The following ADAM17 variants were observed in gnomAD, a reference collection of about 807,000 sequenced individuals.
ADAM17 encodes the protein ADAM metallopeptidase domain 17, also known as disintegrin and metalloproteinase domain-containing protein 17.
ADAM17 carries 39 observed loss-of-function variants against 96.7 expected under a neutral mutation model. The ratio of observed to expected loss-of-function variants is 0.40; its 90% confidence interval spans 0.31 to 0.53. The LOEUF (loss-of-function observed/expected upper bound fraction) is 0.53. ADAM17 is among the 20% of genes least tolerant of loss of function. The pLI is 0.44. For missense variants in ADAM17, 777 were observed against 1,013.2 expected (o/e 0.77, Z 3.17); for synonymous variants, 344 against 359.2 (o/e 0.96, Z 0.48).
At chr2:9,520,314 T>G (rs1356538246) in intron 8 of ADAM17, among the ~76,000 whole-genome samples, 1 of 151,996 alleles carries the variant, frequency 6.6e-6, no homozygotes, top group Admixed American at 6.6e-5. Flanking sequence ...ACACACAAAC[T>G]CAAGACACTG....
chr2:9,497,306 A>G (rs1355201630), intron 13 of ADAM17, 58 bp from the exon 14 acceptor site: 1 of 1,600,412 alleles, frequency 6.2e-7, no homozygotes, highest in Non-Finnish European at 8.5e-7. Flanking sequence ...CCAGTTCTAC[A>G]GGTGCATAAT....
intron 1 of ADAM17, among the ~76,000 whole-genome samples, chr2:9,550,763 A>G (rs760087654): frequency 1.3e-5 from 2 of 151,708 alleles, no homozygotes; most frequent in Non-Finnish European, 2.9e-5. Context: ...TTGTAATCAA[A>G]AGAATAGGTA....
chr2:9,501,068 G>GTAA lies in ADAM17; in HGVS notation c.1648+1104_1648+1105insTTA, dbSNP rs78246304. ...GAATGGCAACAGATAGGAGACGTAT[G>GTAA]CCCAAATGGATGATTACATAAGAAC... On this transcript the variant is annotated intron_variant, in intron 13 of 18. Transcript: ENST00000310823. 6.5e-3 allele frequency among the ~76,000 whole-genome samples: 606 copies of GTAA among 93,748 alleles called. 5 individuals carry two copies. The highest frequency in any genetic ancestry group is 0.028 in the African/African-American group (555 of 19,900). The allele number at this position is 93,748 out of a possible 152,430, so 61.5% of individuals were successfully genotyped here.
intron 12 of ADAM17, 96 bp from the exon 13 acceptor site, chr2:9,502,372 C>T (rs946228914): frequency 1.1e-5 from 12 of 1,048,816 alleles, no homozygotes; most frequent in Middle Eastern, 2.9e-4. Flanking sequence ...TGAAGATCAC[C>T]GGGGAAGACC....
intron 7 of ADAM17, among the ~76,000 whole-genome samples, chr2:9,522,629 A>C (rs1049975767): frequency 6.6e-6 from 1 of 152,198 alleles, no homozygotes; most frequent in African/African-American, 2.4e-5. Context: ...TTGGAAAAAA[A>C]TAGAGATAAC....
At position 9,554,298 on chromosome 2, in the gene ADAM17, C is replaced by G. The variant is rs150523015; in HGVS notation, c.97+1211G>C. Among the ~76,000 whole-genome samples, 433 of 152,052 alleles carry G rather than the reference C, an allele frequency of 2.8e-3. 2 individuals are homozygous for G. Among genetic ancestry groups the G allele is most frequent in the African/African-American group, 0.01 (420 of 41,462 alleles). ...TAACATTTATCCTTAAAATGAAGAC[C>G]CTTACCCTATCCCTCCATCCTAACC... On this transcript the variant is annotated intron_variant, in intron 1 of 18. Transcript: ENST00000310823.
chr2:9,519,314 AG>A (rs1664207522), intron 8 of ADAM17, among the ~76,000 whole-genome samples: 1 of 152,182 alleles, frequency 6.6e-6, no homozygotes, highest in African/African-American at 2.4e-5. Flanking sequence ...GAGGCTTCTA[AG>A]AATATTCTAG....
chr2:9,505,259 T>C lies in ADAM17; in HGVS notation c.1451A>G (p.Asp484Gly). 6.2e-7 allele frequency: 1 copy of C among 1,614,178 alleles called. No individual in the cohort carries two copies. Among genetic ancestry groups the C allele is most frequent in the Non-Finnish European group, 8.5e-7 (1 of 1,180,042 alleles). The change falls in exon 12 of 19, where the codon GAT becomes GGT. Residue 484 changes from aspartate to glycine, a missense_variant. Physicochemically the swap from Asp to Gly is moderately conservative, Grantham distance 94 (BLOSUM62 -1). Coordinates refer to ENST00000310823, the MANE Select transcript of ADAM17 (RefSeq NM_003183.6). ...GCCAGGATCACACTCTTCTCCTTCA[T>C]CCACCCTCGAGTTCCCACAAACTTT... ...SNKVCGNSRVDEGEECDPGIM... is the reference protein window; with the variant it reads ...SNKVCGNSRVGEGEECDPGIM...
intron 11 of ADAM17, among the ~76,000 whole-genome samples, chr2:9,507,508 C>G (rs1663481726): frequency 6.6e-6 from 1 of 151,988 alleles, no homozygotes; most frequent in Admixed American, 6.6e-5. Flanking sequence ...CTCAAAAAAT[C>G]ATAATAAATA....
intron 10 of ADAM17, among the ~76,000 whole-genome samples, chr2:9,515,260 TG>T (rs1663999815): frequency 6.6e-6 from 1 of 152,236 alleles, no homozygotes; most frequent in Non-Finnish European, 1.5e-5. Context: ...TCATATAGTA[TG>T]TAGCCTTTCA....
intron 1 of ADAM17, among the ~76,000 whole-genome samples, chr2:9,546,728 TG>T (rs1665416849): frequency 6.6e-6 from 1 of 151,098 alleles, no homozygotes. Context: ...TTTTTTTTTT[TG>T]AAATGGAGTC....
intron 5 of ADAM17, among the ~76,000 whole-genome samples, chr2:9,526,977 T>C (rs1338262365): frequency 6.6e-6 from 1 of 152,088 alleles, no homozygotes; most frequent in East Asian, 1.9e-4. Context: ...GTGAAATAAA[T>C]TAAGAATTTC....
At chr2:9,507,187 A>T (rs893552425) in intron 11 of ADAM17, among the ~76,000 whole-genome samples, 5 of 152,072 alleles carry the variant, frequency 3.3e-5, no homozygotes, top group Non-Finnish European at 7.4e-5. Context: ...TATTTTTATT[A>T]AGGAATTCAT....
rs533226161 is a variant in ADAM17 at position 9,553,706 on chromosome 2, G to T, written c.97+1803C>A. Among the ~76,000 whole-genome samples the T allele has an allele frequency of 3.4e-5, 5 of 149,224 alleles. No individual in the cohort carries two copies. The South Asian group carries it at 1.1e-3, about 32-fold the overall frequency. ...AAAAAAAAAAGAAAGAAAAAGAAAAGAAAAGAAAAAAGAAAAGTCTATGCA... is the reference window on the plus strand; with the variant it reads ...AAAAAAAAAAGAAAGAAAAAGAAAATAAAAGAAAAAAGAAAAGTCTATGCA... On this transcript the variant is annotated intron_variant, in intron 1 of 18. Transcript: ENST00000310823.
chr2:9,506,241 T>G (rs1663378874), intron 11 of ADAM17, among the ~76,000 whole-genome samples: 1 of 151,226 alleles, frequency 6.6e-6, no homozygotes, highest in Non-Finnish European at 1.5e-5. Flanking sequence ...TATGAGACCC[T>G]CCAAAGGTGC....
At chr2:9,538,106 C>T (rs1264918863) in intron 2 of ADAM17, among the ~76,000 whole-genome samples, 1 of 151,888 alleles carries the variant, frequency 6.6e-6, no homozygotes, top group Non-Finnish European at 1.5e-5. Context: ...GCTTACTATT[C>T]TTTTTGTTTT....
chr2:9,514,669 T>G (rs559126300), intron 10 of ADAM17, among the ~76,000 whole-genome samples: 1 of 149,300 alleles, frequency 6.7e-6, no homozygotes, highest in South Asian at 2.1e-4. Context: ...GTCAGGAGAT[T>G]GAGACCATCC....
chr2:9,517,689 CAT>C (rs1207722968), intron 10 of ADAM17, among the ~76,000 whole-genome samples: 1 of 152,126 alleles, frequency 6.6e-6, no homozygotes, highest in Admixed American at 6.6e-5. Flanking sequence ...GTGGTCCTCA[CAT>C]GTTTCAAAAG....
intron 17 of ADAM17, 39 bp from the exon 18 acceptor site, chr2:9,491,190 C>T (rs371300216): frequency 8.2e-6 from 13 of 1,579,474 alleles, no homozygotes; most frequent in African/African-American, 1.3e-5. Flanking sequence ...CCTACAAATA[C>T]AATTCAGTTA....
Sources: allele counts gnomAD v4.1 joint callset (sites outside exome capture counted in the v4.1 genomes callset), GRCh38; gene constraint gnomAD v4.1.1; transcripts MANE v1.5; gene names NCBI Gene and HGNC (gene_info 2026-07-23, HGNC 2026-07-21).